The following C19orf44 variants were observed in gnomAD, a reference collection of about 807,000 sequenced individuals.
C19orf44 encodes the protein uncharacterized protein C19orf44.
In C19orf44, 43 loss-of-function variants were observed where a neutral mutation model predicts 50.7. That is an observed-to-expected ratio of 0.85 (90% CI 0.66 to 1.09). The LOEUF (loss-of-function observed/expected upper bound fraction) is 1.09, where lower values mean the gene tolerates loss of function less well. Ranked by LOEUF, C19orf44 falls within the 50% of genes least tolerant of loss-of-function variation. The pLI is 0.00. For synonymous variants in C19orf44, 298 were observed against 334.7 expected, an observed-to-expected ratio of 0.89 and a Z score of 1.20; for missense variants, 722 against 836.2, an observed-to-expected ratio of 0.86 and a Z score of 1.68.
intron 7 of C19orf44, among the ~76,000 whole-genome samples, chr19:16,516,558 G>A (rs562862189): frequency 1.3e-5 from 2 of 152,162 alleles, no homozygotes; most frequent in African/African-American, 4.8e-5. Context: ...CATACTATCC[G>A]ATATGTCCTT....
In C19orf44 at chr19:16,520,057, C is replaced by T. The variant is rs1442958884; in HGVS notation, c.*41-37C>T. 7.3e-7 allele frequency: 1 copy of T among 1,364,146 alleles called. No homozygotes were observed. Among genetic ancestry groups the T allele is most frequent in the African/African-American group, 1.4e-5 (1 of 69,786 alleles). The allele number at this position is 1,364,146 out of a possible 1,614,324, so 84.5% of individuals were successfully genotyped here. A position where few individuals can be genotyped will look rare whatever the true frequency, so the allele number is the denominator to read the frequency against. On this transcript the variant is annotated intron_variant, in intron 8 of 8. Coordinates refer to ENST00000221671, the MANE Select transcript of C19orf44 (RefSeq NM_032207.4). The surrounding 1 kb of genome is among the most constrained non-coding windows in gnomAD (Gnocchi z 4.0). ...CGGGCTAATGCTGGCGGCCTCCTAA[C>T]ACAGTCTCCTAACCACCAATGTTTC...
rs2085597922 is a variant in C19orf44, at chr19:16,520,261, G to A, written c.*208G>A. 2 of 1,613,070 alleles carry A rather than the reference G, an allele frequency of 1.2e-6. No homozygotes were observed. The highest frequency in any genetic ancestry group is 1.1e-5 in the South Asian group (1 of 91,064). On this transcript the variant is annotated 3_prime_UTR_variant, in exon 9 of 9. Coordinates refer to ENST00000221671, the MANE Select transcript of C19orf44 (RefSeq NM_032207.4). This position sits in a 1 kb window ranked among gnomAD's most constrained non-coding sequence, Gnocchi z 4.0. The stretch of plus-strand genomic sequence containing the variant: ...CTTCTGGAGGAGCGCGACCTGCTCC[G>A]ACTTCTGCAGGGAAGGGTGCCCAAG...
chr19:16,514,812 G>A, intron 7 of C19orf44, 149 bp downstream of exon 7: 8 of 1,033,488 alleles, frequency 7.7e-6, no homozygotes, highest in Non-Finnish European at 9.2e-6. Flanking sequence ...TGTCCCTGTG[G>A]AGGGAGCCTC....
chr19:16,519,360 C>G lies in C19orf44; in HGVS notation c.*41-734C>G, dbSNP rs747932438. The G allele has an allele frequency of 4.0e-5, 65 of 1,608,156 alleles. 1 individual carries two copies. In the Admixed American group the frequency reaches 9.9e-4, roughly 24 times the overall value. ...CGCCTGAGCCGCTCCAGCCTGGAAA[C>G]AGAGACGCAGTCACAACCACAACAA... On this transcript the variant is annotated intron_variant, in intron 8 of 8. Transcript: ENST00000221671. This position sits in a 1 kb window ranked among gnomAD's most constrained non-coding sequence, Gnocchi z 6.0.
intron 6 of C19orf44, 23 bp from the exon 7 acceptor site, chr19:16,514,474 C>T (rs777839818): frequency 1.2e-5 from 18 of 1,564,246 alleles, no homozygotes; most frequent in East Asian, 2.4e-5. Flanking sequence ...GCGAAGCCAC[C>T]GAGTAACGCG....
At chr19:16,514,760 G>C in intron 7 of C19orf44, 97 bp downstream of exon 7, 1 of 1,347,622 alleles carries the variant, frequency 7.4e-7, no homozygotes. Flanking sequence ...CTGGGCTCCA[G>C]CGCTCAGCCC....
At chr19:16,504,619 G>T (rs867950200) in intron 3 of C19orf44, among the ~76,000 whole-genome samples, 177 of 150,670 alleles carry the variant, frequency 1.2e-3, no homozygotes, top group African/African-American at 4.0e-3. Context: ...TTTTTTGTTT[G>T]TTTGTTTTTT....
At chr19:16,506,561 C>G (rs1018140464) in intron 3 of C19orf44, 140 bp from the exon 4 acceptor site, 1 of 541,822 alleles carries the variant, frequency 1.8e-6, no homozygotes, top group Non-Finnish European at 3.1e-6. Context: ...CCACTGCACT[C>G]CAGCCTGGGT....
Position 16,520,475 on chromosome 19 carries a change from C to G in C19orf44, c.*422C>G. ...GGAGCGGGAGGAAGAACGCCCTCGA[C>G]TCTTGGATCTGCTCCGAGACCTCGA... is the stretch of plus-strand genomic sequence containing the variant. On this transcript the variant is annotated 3_prime_UTR_variant, in exon 9 of 9. Coordinates refer to ENST00000221671, the MANE Select transcript of C19orf44 (RefSeq NM_032207.4). This position sits in a 1 kb window ranked among gnomAD's most constrained non-coding sequence, Gnocchi z 4.0. 6.2e-7 allele frequency: 1 copy of G among 1,614,024 alleles called. No homozygotes were observed. Among genetic ancestry groups the G allele is most frequent in the South Asian group, 1.1e-5 (1 of 91,070 alleles).
Position 16,503,292 on chromosome 19 carries a change from G to T in C19orf44, c.987G>T (p.Gly329=), listed in dbSNP as rs1328805575. The T allele has an allele frequency of 8.7e-6, 14 of 1,614,048 alleles. No homozygotes were observed. The highest frequency in any genetic ancestry group is 1.2e-5 in the Non-Finnish European group (14 of 1,180,058). Residue 329 remains glycine (G), a synonymous_variant, in exon 3 of 9, where the codon GGG becomes GGT. Coordinates refer to ENST00000221671, the MANE Select transcript of C19orf44 (RefSeq NM_032207.4). The stretch of plus-strand genomic sequence containing the variant: ...CAAACTCAGTGTCTTTAAAGATGGG[G>T]CATGTCAAGCTTGTGTCCTCCCCGG... The part of the protein sequence containing the change: ...AFSNSVSLKM[G]HVKLVSSPGR...
rs2085590380 is a variant in C19orf44, at chr19:16,519,752, C to T, written c.*41-342C>T. ...ACAGGTTATTCTTTTTAAGAAGTAA[C>T]TGAGACATTTATTGGAATGACAGTG... On this transcript the variant is annotated intron_variant, in intron 8 of 8. Coordinates refer to ENST00000221671, the MANE Select transcript of C19orf44 (RefSeq NM_032207.4). This position sits in a 1 kb window ranked among gnomAD's most constrained non-coding sequence, Gnocchi z 6.0. The T allele has an allele frequency of 6.5e-7, 1 of 1,537,144 alleles. No individual in the cohort carries two copies. The highest frequency in any genetic ancestry group is 9.0e-7 in the Non-Finnish European group (1 of 1,110,348).
Position 16,501,210 on chromosome 19 carries a change from C to T in C19orf44, c.418C>T (p.Leu140Phe). The T allele has an allele frequency of 6.2e-7, 1 of 1,614,122 alleles. No homozygotes were observed. Among genetic ancestry groups the T allele is most frequent in the South Asian group, 1.1e-5 (1 of 91,086 alleles). ...RADRILSGGA[L>F]ELASQNTDKT... is the part of the protein sequence containing the mutation. The stretch of plus-strand genomic sequence containing the variant: ...TGACAGAATCCTCTCTGGGGGTGCA[C>T]TCGAACTCGCGTCCCAGAACACAGA... Residue 140 changes from leucine (L) to phenylalanine (F), a missense_variant, in exon 2 of 9, where the codon CTC (leucine) becomes TTC (phenylalanine). Coordinates refer to ENST00000221671, the MANE Select transcript of C19orf44 (RefSeq NM_032207.4).
chr19:16,512,039 A>AT (rs2093458754), intron 5 of C19orf44, among the ~76,000 whole-genome samples: 3 of 148,584 alleles, frequency 2.0e-5, no homozygotes, highest in African/African-American at 7.4e-5. Flanking sequence ...AAAAAAAAAA[A>AT]GGCAATGTAA....
At position 16,520,570 on chromosome 19, in the gene C19orf44, C is replaced by T. The variant is rs2085602595; in HGVS notation, c.*517C>T. 8 of 1,554,502 alleles carry T rather than the reference C, an allele frequency of 5.1e-6. No individual in the cohort carries two copies. Among genetic ancestry groups the T allele is most frequent in the Non-Finnish European group, 7.0e-6 (8 of 1,146,776 alleles). ...ATGGGCTGCACCCAGCCCACCCTGG[C>T]CCTCAGGTTCCTAGACCACCCCAGA... On this transcript the variant is annotated 3_prime_UTR_variant, in exon 9 of 9. Transcript: ENST00000221671. This position sits in a 1 kb window ranked among gnomAD's most constrained non-coding sequence, Gnocchi z 4.0.
At position 16,521,053 on chromosome 19, in the gene C19orf44, A is replaced by T; in HGVS notation, c.*1000A>T. The T allele has an allele frequency of 1.4e-6, 1 of 720,866 alleles. No homozygotes were observed. The highest frequency in any genetic ancestry group is 2.4e-6 in the Non-Finnish European group (1 of 411,486). The allele number at this position is 720,866 out of a possible 1,614,324, so 44.7% of individuals were successfully genotyped here. On this transcript the variant is annotated 3_prime_UTR_variant, in exon 9 of 9. Transcript: ENST00000221671. ...TGGGCTCCGAGCATGGGCGCAGTAG[A>T]GCTTGGTTCAGTGTTCCCACAGGGC...
In C19orf44 at chr19:16,514,625, G is replaced by C. The variant is rs1253378240; in HGVS notation, c.1864G>C (p.Asp622His). Residue 622 changes from aspartate to histidine, a missense_variant, in exon 7 of 9, where the codon GAC becomes CAC. Transcript: ENST00000221671. The part of the protein sequence containing the change: ...HASLLRSLDA[D>H]SFHYHTLEEA... ...CTCCCTCCTGCGCTCCCTGGACGCG[G>C]ACTCCTTCCACTACCACACCCTGGA... is the stretch of plus-strand genomic sequence containing the variant. 1.3e-6 allele frequency: 2 copies of C among 1,589,924 alleles called. No homozygotes were observed. The highest frequency in any genetic ancestry group is 2.3e-5 in the East Asian group (1 of 43,802).
chr19:16,519,675 G>C lies in C19orf44; in HGVS notation c.*41-419G>C. On this transcript the variant is annotated intron_variant, in intron 8 of 8. Transcript: ENST00000221671. This position sits in a 1 kb window ranked among gnomAD's most constrained non-coding sequence, Gnocchi z 6.0. Reference sequence around the variant, plus strand: ...TTCTCTTCTCCGAGCCTTGAGTCAGGGATGGGAGGCGCCGAATTAGAACCC... The same window carrying C: ...TTCTCTTCTCCGAGCCTTGAGTCAGCGATGGGAGGCGCCGAATTAGAACCC... 6.2e-7 allele frequency: 1 copy of C among 1,614,018 alleles called. No homozygotes were observed. Among genetic ancestry groups the C allele is most frequent in the Non-Finnish European group, 8.5e-7 (1 of 1,179,952 alleles).
Position 16,501,545 on chromosome 19 carries a change from AT to A in C19orf44, c.757del (p.Ser253ArgfsTer6). 1 of 1,377,876 alleles carries A rather than the reference AT, an allele frequency of 7.3e-7. No homozygotes were observed. The highest frequency in any genetic ancestry group is 2.8e-5 in the Admixed American group (1 of 35,534). 85.4% of individuals were successfully genotyped at this position (1,377,876 alleles called of 1,614,324 possible). A position where few individuals can be genotyped will look rare whatever the true frequency, so the allele number is the denominator to read the frequency against. On this transcript the variant is annotated frameshift_variant, in exon 2 of 9. Transcript: ENST00000221671. LOFTEE classifies it high-confidence loss of function. ...NVSEEEERKL[F>X]SVPSQLRAFT... is the part of the protein sequence containing the mutation. ...TCAGCGAGGAAGAAGAAAGAAAACT[AT>A]TTTCGGTGAGATTTTTTTTTTTTGG...
chr19:16,517,310 A>T lies in C19orf44; in HGVS notation c.*9A>T. 1 of 1,613,706 alleles carries T rather than the reference A, an allele frequency of 6.2e-7. No individual in the cohort carries two copies. Among genetic ancestry groups the T allele is most frequent in the Non-Finnish European group, 8.5e-7 (1 of 1,179,698 alleles). On this transcript the variant is annotated 3_prime_UTR_variant, in exon 8 of 9. Coordinates refer to ENST00000221671, the MANE Select transcript of C19orf44 (RefSeq NM_032207.4). ...TGAACAAGGAGCTGTGAGCGCCAGC[A>T]GGTGGAGCTTGACGTGACGTCTTAA...
Sources: allele counts gnomAD v4.1 joint callset (sites outside exome capture counted in the v4.1 genomes callset), GRCh38; gene constraint gnomAD v4.1.1; non-coding constraint Gnocchi (gnomAD v3.1); transcripts MANE v1.5; gene names NCBI Gene and HGNC (gene_info 2026-07-23, HGNC 2026-07-21).